SPRY3: variants seen among roughly 807,000 people sequenced by gnomAD.
The protein encoded by SPRY3 is protein sprouty homolog 3.
In SPRY3, 15 loss-of-function variants were observed where a neutral mutation model predicts 20.2. The ratio of observed to expected loss-of-function variants is 0.74; its 90% CI spans 0.50 to 1.14. SPRY3 has a LOEUF of 1.14. Ranked by LOEUF, SPRY3 falls within the 50% of genes most tolerant of loss-of-function variation. SPRY3 has a pLI of 0.00. For synonymous variants in SPRY3, 143 were observed against 136.5 expected (o/e 1.05, Z -0.33); for missense variants, 364 against 363.9 (o/e 1.00, Z 0.00).
intron 2 of SPRY3, among the ~76,000 whole-genome samples, chrX:155,725,633 G>A: frequency 6.6e-6 from 1 of 152,256 alleles, no homozygotes; most frequent in East Asian, 1.9e-4. Flanking sequence ...TTCTCTGATG[G>A]TAGTTTGTAT....
Position 155,720,114 on chromosome X carries a change from C to G in SPRY3, c.-281-47848C>G, listed in dbSNP as rs1235648538. 2.6e-5 allele frequency among the ~76,000 whole-genome samples: 4 copies of G among 151,960 alleles called. 1 individual carries two copies. The highest frequency in any genetic ancestry group is 4.2e-4 in the South Asian group (2 of 4,818). On this transcript the variant is annotated intron_variant, in intron 2 of 3. Transcript: ENST00000675360. Reference sequence around the variant, plus strand: ...CCAGGCAGCATTTACTACAAGCTGACAGAAGAGCCCTTGGGCTCTAAGTGA... The same window carrying G: ...CCAGGCAGCATTTACTACAAGCTGAGAGAAGAGCCCTTGGGCTCTAAGTGA...
chrX:155,766,931 C>T (rs537523227), intron 2 of SPRY3, among the ~76,000 whole-genome samples: 2 of 152,054 alleles, frequency 1.3e-5, no homozygotes, highest in South Asian at 2.1e-4. Flanking sequence ...TGGGAGGAAC[C>T]CTTAAACAAA....
chrX:155,742,828 C>A (rs1297166351), intron 2 of SPRY3, among the ~76,000 whole-genome samples: 1 of 152,086 alleles, frequency 6.6e-6, no homozygotes, highest in South Asian at 2.1e-4. Flanking sequence ...TGGGACACAG[C>A]TAAAGCAGTG....
intron 2 of SPRY3, among the ~76,000 whole-genome samples, chrX:155,708,187 T>G (rs2090963850): frequency 6.6e-6 from 1 of 151,386 alleles, no homozygotes; most frequent in African/African-American, 2.4e-5. Context: ...CCTTTCAAAC[T>G]TCTTATAGGG....
exon 4 of SPRY3, chrX:155,774,628 G>T: frequency 6.2e-7 from 1 of 1,613,978 alleles, no homozygotes; most frequent in South Asian, 1.1e-5. Flanking sequence ...ACAGGGCTAT[G>T]ATAGCCTCCG....
At chrX:155,695,637 T>C (rs973419269) in intron 2 of SPRY3, among the ~76,000 whole-genome samples, 2 of 111,140 alleles carry the variant, frequency 1.8e-5, no homozygotes, top group Non-Finnish European at 3.8e-5. Context: ...TATCTGATAA[T>C]CTGTTCATTT....
chrX:155,774,733 G>A, exon 4 of SPRY3: 1 of 1,609,130 alleles, frequency 6.2e-7, no homozygotes, highest in Non-Finnish European at 8.5e-7. Context: ...GGAAAAGTCT[G>A]TATGACCTTC....
At chrX:155,767,798 C>G (rs1180666684) in intron 2 of SPRY3, 164 bp from the exon 2 acceptor site, 1 of 135,378 alleles carries the variant, frequency 7.4e-6, no homozygotes, top group Admixed American at 7.7e-5. Context: ...AACAACTTAC[C>G]CTGCTGAGCT....
chrX:155,693,069 G>C (rs1303895077), intron 2 of SPRY3, among the ~76,000 whole-genome samples: 1 of 107,582 alleles, frequency 9.3e-6, no homozygotes, highest in African/African-American at 3.4e-5. Context: ...TCTTTTTCTA[G>C]CTTCTTAATC....
In SPRY3 at chrX:155,655,461, G is replaced by A. The variant is rs1250236504; in HGVS notation, c.-440-1406G>A. 3.6e-5 allele frequency among the ~76,000 whole-genome samples: 4 copies of A among 111,298 alleles called. No homozygotes were observed. In the East Asian group the frequency reaches 1.1e-3, roughly 31 times the overall value. On this transcript the variant is annotated intron_variant, in intron 1 of 3. Transcript: ENST00000675360. ...CAAAGTCTAAAGAGTTTTCATAGGT[G>A]TTCTTCTAGGATTTTTTATAGTTTA...
intron 2 of SPRY3, among the ~76,000 whole-genome samples, chrX:155,763,820 C>G (rs145753428): frequency 0.022 from 3,294 of 152,248 alleles, 47 homozygotes; most frequent in East Asian, 0.14. Context: ...CACCCATGCC[C>G]TAGTCTCTTT....
chrX:155,704,391 A>G (rs1458225714), intron 2 of SPRY3, among the ~76,000 whole-genome samples: 5 of 151,800 alleles, frequency 3.3e-5, no homozygotes, highest in Admixed American at 1.3e-4. Context: ...TGAGGGGCCC[A>G]ACAGAACTGA....
intron 2 of SPRY3, among the ~76,000 whole-genome samples, chrX:155,737,676 G>A (rs1361772949): frequency 6.6e-6 from 1 of 152,146 alleles, no homozygotes; most frequent in East Asian, 1.9e-4. Context: ...GTTCACTGTG[G>A]CTGGATTGTG....
chrX:155,646,204 T>A (rs1458403954), intron 1 of SPRY3, among the ~76,000 whole-genome samples: 1 of 112,118 alleles, frequency 8.9e-6, no homozygotes, highest in Non-Finnish European at 1.9e-5. Flanking sequence ...CTTTGTAACA[T>A]GTCTCGAAAT....
At chrX:155,698,041 TG>T (rs1477672522) in intron 2 of SPRY3, among the ~76,000 whole-genome samples, 1 of 111,059 alleles carries the variant, frequency 9.0e-6, no homozygotes, top group African/African-American at 3.3e-5. Context: ...AGCCTGACAA[TG>T]TCACAATTTT....
Position 155,781,937 on chromosome X carries a change from T to C in SPRY3, c.*7199T>C, listed in dbSNP as rs1408298975. Reference sequence around the variant, plus strand: ...AGCAGTTGAGGAAAAAGGTCATACATTTTTCTCTTGCCCTTGCTGGAATAG... The same window carrying C: ...AGCAGTTGAGGAAAAAGGTCATACACTTTTCTCTTGCCCTTGCTGGAATAG... On this transcript the variant is annotated 3_prime_UTR_variant, in exon 2 of 2. Transcript: ENST00000302805. 7.8e-5 allele frequency: 13 copies of C among 166,946 alleles called. No individual in the cohort carries two copies. In the Admixed American group the frequency reaches 8.5e-4, roughly 11 times the overall value. The allele number at this position is 166,946 out of a possible 1,614,324, so 10.3% of individuals were successfully genotyped here. A position where few individuals can be genotyped will look rare whatever the true frequency, so the allele number is the denominator to read the frequency against.
downstream of SPRY3, chrX:155,777,828 T>TA (rs2091438940): frequency 6.0e-6 from 1 of 166,386 alleles, no homozygotes; most frequent in East Asian, 1.9e-4. Context: ...AATCATCTGT[T>TA]AGCCCCTAAC....
At chrX:155,777,221 C>G (rs951129805), downstream of SPRY3, 5 of 166,996 alleles carry the variant, frequency 3.0e-5, no homozygotes, top group African/African-American at 1.2e-4. Context: ...GCTCAGTTAT[C>G]TAAGGATTCT....
At chrX:155,739,697 AC>A (rs900340428) in intron 2 of SPRY3, among the ~76,000 whole-genome samples, 2 of 151,988 alleles carry the variant, frequency 1.3e-5, no homozygotes, top group African/African-American at 4.8e-5. Flanking sequence ...TCTGGAGTGG[AC>A]CCCCAGCAAA....
Sources: allele counts gnomAD v4.1 joint callset (sites outside exome capture counted in the v4.1 genomes callset), GRCh38; gene constraint gnomAD v4.1.1; transcripts MANE v1.5; gene names NCBI Gene and HGNC (gene_info 2026-07-23, HGNC 2026-07-21).